Variants in KLHL2 observed in about 807,000 individuals in gnomAD.
The protein encoded by KLHL2 is kelch like family member 2.
Under a neutral mutation model 75.8 loss-of-function variants are expected in KLHL2, and 15 were observed. The ratio of observed to expected loss-of-function variants is 0.20; its 90% confidence interval spans 0.13 to 0.30. The LOEUF (loss-of-function observed/expected upper bound fraction) is 0.30. KLHL2 is among the 10% of genes least tolerant of loss of function. The pLI is 1.00. For missense variants in KLHL2, 381 were observed against 741.0 expected (o/e 0.51, Z 5.64); for synonymous variants, 214 against 251.9 (o/e 0.85, Z 1.42).
chr4:165,299,493 A>G lies in KLHL2; in HGVS notation c.772-14A>G. The G allele has an allele frequency of 6.3e-7, 1 of 1,596,166 alleles. No homozygotes were observed. Among genetic ancestry groups the G allele is most frequent in the Non-Finnish European group, 8.5e-7 (1 of 1,171,136 alleles). On this transcript the variant is annotated splice_polypyrimidine_tract_variant and intron_variant, in intron 7 of 14. Coordinates refer to ENST00000226725, the MANE Select transcript of KLHL2 (RefSeq NM_007246.4). Reference sequence around the variant, plus strand: ...GCCCTACCCTCAGTGGGTGTGTCTGATTTCTTGTTACAGAGGGTTGAAGAG... The same window carrying G: ...GCCCTACCCTCAGTGGGTGTGTCTGGTTTCTTGTTACAGAGGGTTGAAGAG...
chr4:165,223,591 T>G (rs151163586), intron 2 of KLHL2, among the ~76,000 whole-genome samples: 4 of 152,134 alleles, frequency 2.6e-5, no homozygotes, highest in African/African-American at 4.8e-5. Flanking sequence ...AAGAGCAGAA[T>G]TGTGGCAGGC....
intron 6 of KLHL2, among the ~76,000 whole-genome samples, chr4:165,297,045 A>T (rs748068953): frequency 6.6e-6 from 1 of 152,140 alleles, no homozygotes; most frequent in Non-Finnish European, 1.5e-5. Context: ...CAGTTATCCA[A>T]TTGCATATTG....
chr4:165,260,478 C>G (rs28621585), intron 4 of KLHL2, among the ~76,000 whole-genome samples: 8,564 of 152,028 alleles, frequency 0.056, 552 homozygotes, highest in African/African-American at 0.16. Flanking sequence ...ATTTCGGTCT[C>G]CTAATACGGT....
At chr4:165,267,377 C>A (rs1228328880) in intron 5 of KLHL2, among the ~76,000 whole-genome samples, 1 of 152,146 alleles carries the variant, frequency 6.6e-6, no homozygotes, top group Non-Finnish European at 1.5e-5. Flanking sequence ...AGAGGGCATC[C>A]TTGTCCTGTG....
rs1746089877 is a variant in KLHL2 at position 165,310,665 on chromosome 4, T to A, written c.1152T>A (p.Ala384=). The A allele has an allele frequency of 1.2e-6, 2 of 1,613,972 alleles. No individual in the cohort carries two copies. The highest frequency in any genetic ancestry group is 2.7e-5 in the African/African-American group (2 of 74,912). ...TGAAGGACCAGTGGACCAGCGTTGC[T>A]AACATGAGAGACCGGAGAAGCACTT... ...DPVKDQWTSV[A]NMRDRRSTLG... Residue 384 remains alanine (A), a synonymous_variant, in exon 10 of 15, where the codon GCT becomes GCA. Transcript: ENST00000226725.
chr4:165,261,898 T>C (rs928118909), intron 4 of KLHL2, among the ~76,000 whole-genome samples: 1 of 152,196 alleles, frequency 6.6e-6, no homozygotes, highest in African/African-American at 2.4e-5. Flanking sequence ...TGAAAGTCAA[T>C]TTCTGAAGGA....
In KLHL2 at chr4:165,314,070, G is replaced by C; in HGVS notation, c.1513G>C (p.Asp505His). Residue 505 changes from aspartate to histidine, a missense_variant, in exon 13 of 15, where the codon GAT becomes CAT. By Grantham distance (81) the Asp-to-His change is moderately conservative. This residue lies in a region of KLHL2 where 168 missense variants were observed against 370.4 expected (regional missense o/e 0.45). Coordinates refer to ENST00000226725, the MANE Select transcript of KLHL2 (RefSeq NM_007246.4). ...NNLLYAVGGH[D>H]GPLVRKSVEV... The stretch of plus-strand genomic sequence containing the variant: ...TTTATTGTATGCTGTAGGAGGTCAT[G>C]ATGGCCCTTTAGTACGAAAAAGTGT... 1.2e-6 allele frequency: 2 copies of C among 1,613,820 alleles called. No individual in the cohort carries two copies. Among genetic ancestry groups the C allele is most frequent in the Non-Finnish European group, 1.7e-6 (2 of 1,179,766 alleles).
At position 165,310,688 on chromosome 4, in the gene KLHL2, C is replaced by G; in HGVS notation, c.1175C>G (p.Thr392Ser). 1 of 1,614,048 alleles carries G rather than the reference C, an allele frequency of 6.2e-7. No individual in the cohort carries two copies. The highest frequency in any genetic ancestry group is 8.5e-7 in the Non-Finnish European group (1 of 1,179,986). The change falls in exon 10 of 15, where the codon ACT becomes AGT. Residue 392 changes from threonine (T) to serine (S), a missense_variant. By Grantham distance (58) the Thr-to-Ser change is moderately conservative (BLOSUM62 1). Coordinates refer to ENST00000226725, the MANE Select transcript of KLHL2 (RefSeq NM_007246.4). ...SVANMRDRRSTLGAAVLNGLL... is the reference protein window; with the variant it reads ...SVANMRDRRSSLGAAVLNGLL... ...GCTAACATGAGAGACCGGAGAAGCA[C>G]TTTGGGAGCTGCTGTGTTAAATGGA...
intron 8 of KLHL2, among the ~76,000 whole-genome samples, chr4:165,301,899 A>T (rs1210038815): frequency 1.3e-5 from 2 of 151,980 alleles, no homozygotes. Flanking sequence ...TGGAATAAAC[A>T]TGTCATTTTT....
At chr4:165,264,704 G>GTGTGTATATATATATATATATA (rs1323043527) in intron 5 of KLHL2, among the ~76,000 whole-genome samples, 15 of 82,864 alleles carry the variant, frequency 1.8e-4, no homozygotes, top group Non-Finnish European at 2.4e-4. Flanking sequence ...GTGTGTGTGT[G>GTGTGTATATATATATATATATA]TATATATATA....
intron 4 of KLHL2, among the ~76,000 whole-genome samples, chr4:165,255,562 C>T (rs1467623803): frequency 6.6e-6 from 1 of 152,140 alleles, no homozygotes; most frequent in East Asian, 1.9e-4. Flanking sequence ...AGAGTTTTGA[C>T]ATAGGAAATG....
chr4:165,269,356 GATGTTAGCTGGTT>G (rs1742497688), intron 5 of KLHL2, among the ~76,000 whole-genome samples: 1 of 152,122 alleles, frequency 6.6e-6, no homozygotes, highest in Non-Finnish European at 1.5e-5. Context: ...CTGTCATTAT[GATGTTAGCTGGTT>G]ATTTTGCCTG....
intron 1 of KLHL2, among the ~76,000 whole-genome samples, chr4:165,216,376 A>T (rs1261061276): frequency 6.6e-6 from 1 of 152,198 alleles, no homozygotes; most frequent in Non-Finnish European, 1.5e-5. Context: ...GTATGTGTTG[A>T]TAACAATAGG....
chr4:165,262,791 C>G (rs559488909), intron 4 of KLHL2, among the ~76,000 whole-genome samples: 7 of 152,200 alleles, frequency 4.6e-5, no homozygotes, highest in African/African-American at 1.4e-4. Context: ...GTTGCCCAGC[C>G]TGGTCTCAAA....
At chr4:165,295,910 A>T (rs1248629025) in intron 6 of KLHL2, among the ~76,000 whole-genome samples, 2 of 152,226 alleles carry the variant, frequency 1.3e-5, no homozygotes, top group African/African-American at 4.8e-5. Context: ...ATGAGCCTTA[A>T]AAGGGTTTTA....
intron 8 of KLHL2, among the ~76,000 whole-genome samples, chr4:165,300,350 T>A (rs1745256738): frequency 6.6e-6 from 1 of 152,006 alleles, no homozygotes; most frequent in Admixed American, 6.6e-5. Context: ...GTTTAATAAC[T>A]GAAAACCCAG....
chr4:165,231,040 G>A (rs1323399786), intron 3 of KLHL2, among the ~76,000 whole-genome samples: 2 of 152,098 alleles, frequency 1.3e-5, no homozygotes, highest in Non-Finnish European at 2.9e-5. Context: ...ATTGCTATGC[G>A]CTAAAGTACT....
At chr4:165,237,005 T>A (rs997938594) in intron 3 of KLHL2, among the ~76,000 whole-genome samples, 12 of 149,440 alleles carry the variant, frequency 8.0e-5, no homozygotes, top group African/African-American at 3.0e-4. Flanking sequence ...CTTAACTGAG[T>A]ACTGGCTGTT....
chr4:165,287,783 A>C (rs992922044), intron 5 of KLHL2, among the ~76,000 whole-genome samples: 2 of 152,068 alleles, frequency 1.3e-5, no homozygotes, highest in Non-Finnish European at 1.5e-5. Flanking sequence ...TCATCTATTC[A>C]TACGCTTATT....
Sources: allele counts gnomAD v4.1 joint callset (sites outside exome capture counted in the v4.1 genomes callset), GRCh38; gene constraint gnomAD v4.1.1; regional missense constraint gnomAD v4.1.1; transcripts MANE v1.5; gene names NCBI Gene and HGNC (gene_info 2026-07-23, HGNC 2026-07-21).